The following BDP1 variants were observed in gnomAD, a reference collection of about 807,000 sequenced individuals.
BDP1 encodes the protein transcription factor TFIIIB component B'' homolog.
A neutral mutation model predicts 266.6 loss-of-function variants in BDP1; 169 were observed. The observed-to-expected ratio is 0.63, with a 90% CI of 0.56 to 0.72. The LOEUF is 0.72. Ranked by LOEUF, BDP1 falls within the 30% of genes least tolerant of loss-of-function variation. BDP1 has a pLI of 0.00. For missense variants in BDP1, 3,015 were observed against 3,053.8 expected (o/e 0.99, Z 0.30); for synonymous variants, 1,090 against 1,022.4 (o/e 1.07, Z -1.26).
downstream of BDP1, among the ~76,000 whole-genome samples, chr5:71,570,102 T>C (rs955873775): frequency 3.3e-5 from 5 of 152,170 alleles, no homozygotes; most frequent in African/African-American, 1.2e-4. Context: ...GAGGAAATAA[T>C]TACAGGATGG....
At chr5:71,572,994 C>A in the BDP1 span, among the ~76,000 whole-genome samples, 1 of 152,046 alleles carries the variant, frequency 6.6e-6, no homozygotes, top group Non-Finnish European at 1.5e-5. Flanking sequence ...TTTGAGAGGC[C>A]AAGGCGGGTG....
chr5:71,481,243 T>C (rs972027202), intron 7 of BDP1, among the ~76,000 whole-genome samples: 27 of 151,530 alleles, frequency 1.8e-4, no homozygotes, highest in African/African-American at 6.5e-4. Flanking sequence ...GATTATGTTT[T>C]TTCTTTTTTT....
At chr5:71,475,503 C>A (rs1193562486) in intron 7 of BDP1, among the ~76,000 whole-genome samples, 1 of 152,148 alleles carries the variant, frequency 6.6e-6, no homozygotes, top group African/African-American at 2.4e-5. Context: ...CTCAGTTTTA[C>A]TCCAGGCCAT....
chr5:71,484,667 A>T (rs1031239379), intron 8 of BDP1, among the ~76,000 whole-genome samples: 25 of 152,304 alleles, frequency 1.6e-4, no homozygotes, highest in African/African-American at 5.5e-4. Context: ...AGAAAAATAC[A>T]TTTACTGTTA....
intron 7 of BDP1, among the ~76,000 whole-genome samples, chr5:71,473,091 C>T (rs374427406): frequency 6.6e-6 from 1 of 151,252 alleles, no homozygotes; most frequent in Admixed American, 6.6e-5. Flanking sequence ...TGCCATGTTG[C>T]TCAGGCTGGT....
chr5:71,552,322 C>T (rs1284981720), intron 34 of BDP1, among the ~76,000 whole-genome samples: 5 of 150,846 alleles, frequency 3.3e-5, no homozygotes, highest in East Asian at 1.9e-4. Context: ...AAGAGGCGCT[C>T]CTCACTTCCT....
intron 26 of BDP1, among the ~76,000 whole-genome samples, chr5:71,534,610 C>G (rs1180544826): frequency 6.6e-6 from 1 of 152,146 alleles, no homozygotes; most frequent in Non-Finnish European, 1.5e-5. Flanking sequence ...CACCATTCTC[C>G]TGCCTCAGCT....
chr5:71,562,780 C>G (rs1743772629), intron 38 of BDP1: 2 of 1,369,390 alleles, frequency 1.5e-6, no homozygotes, highest in Non-Finnish European at 1.9e-6. Flanking sequence ...TCTAGAGACC[C>G]TTCTGACTTG....
In BDP1 at chr5:71,522,311, C is replaced by T; in HGVS notation, c.5014C>T (p.Pro1672Ser). 6.2e-7 allele frequency: 1 copy of T among 1,613,530 alleles called. No individual in the cohort carries two copies. The highest frequency in any genetic ancestry group is 8.5e-7 in the Non-Finnish European group (1 of 1,179,716). Residue 1672 changes from proline to serine, a missense_variant, in exon 23 of 39, where the codon CCT becomes TCT. Pro to Ser is a moderately conservative substitution (Grantham distance 74, BLOSUM62 -1). Around this residue, in one of 3 missense-constraint regions of BDP1, gnomAD observed 2,383 missense variants for 2,404.9 expected, o/e 0.99. Transcript: ENST00000358731. ...TAGACATGAAAATAAACCGTATGTT[C>T]CTAGTTCAGCACAAATGACAAGAAG... ...TIRHENKPYV[P>S]SSAQMTRRKF...
chr5:71,520,419 T>C (rs1765436470), intron 22 of BDP1, among the ~76,000 whole-genome samples: 1 of 152,226 alleles, frequency 6.6e-6, no homozygotes, highest in Non-Finnish European at 1.5e-5. Flanking sequence ...TGTTTTTTAC[T>C]AAAATGCATT....
At position 71,544,471 on chromosome 5, in the gene BDP1, G is replaced by C. The variant is rs1319325894; in HGVS notation, c.6527G>C (p.Gly2176Ala). Residue 2176 changes from glycine to alanine, a missense_variant, in exon 31 of 39, where the codon GGG becomes GCG. Physicochemically the swap from Gly to Ala is moderately conservative, Grantham distance 60. Coordinates refer to ENST00000358731, the MANE Select transcript of BDP1 (RefSeq NM_018429.3). The part of the protein sequence containing the change: ...SKLACVHGIK[G>A]TSISSEVNLT... ...TTGGCATGTGTACATGGTATCAAAG[G>C]GACCAGTATTTCTTCAGAAGTAAAC... The C allele has an allele frequency of 6.2e-7, 1 of 1,613,130 alleles. No homozygotes were observed. The highest frequency in any genetic ancestry group is 1.7e-5 in the Admixed American group (1 of 59,888).
chr5:71,508,832 T>C (rs1764733010), intron 16 of BDP1, among the ~76,000 whole-genome samples: 1 of 152,228 alleles, frequency 6.6e-6, no homozygotes, highest in Non-Finnish European at 1.5e-5. Flanking sequence ...CTTTGGATAG[T>C]GGTTGTGTGC....
At chr5:71,470,355 T>C in intron 6 of BDP1, 40 bp from the exon 7 acceptor site, 5 of 1,345,336 alleles carry the variant, frequency 3.7e-6, no homozygotes, top group South Asian at 1.3e-5. Flanking sequence ...AATATTGATA[T>C]AATTAATTTT....
chr5:71,514,822 TAGA>T, intron 19 of BDP1, 119 bp from the exon 20 acceptor site: 1 of 552,170 alleles, frequency 1.8e-6, no homozygotes, highest in Non-Finnish European at 3.1e-6. Context: ...GCTGGGAATT[TAGA>T]ATTTTGGTAT....
intron 17 of BDP1, chr5:71,511,353 C>T (rs2150476052): frequency 1.7e-6 from 1 of 598,072 alleles, no homozygotes; most frequent in East Asian, 2.9e-5. Context: ...TTAGGCTGGG[C>T]ACACCTTTAA....
At chr5:71,552,532 T>C (rs1402997549) in intron 34 of BDP1, among the ~76,000 whole-genome samples, 2 of 152,204 alleles carry the variant, frequency 1.3e-5, no homozygotes, top group Non-Finnish European at 2.9e-5. Flanking sequence ...TGGGCACCAT[T>C]GAGCACTGAG....
chr5:71,522,502 CAAA>C lies in BDP1; in HGVS notation c.5193+26_5193+28del, dbSNP rs34331239. On this transcript the variant is annotated intron_variant, in intron 23 of 38. Transcript: ENST00000358731. ...AGCTCCTTCTAAAAGTAAGTTTGGG[CAAA>C]AAAAAAAAAAAAATTTTTTTTCTCA... is the stretch of plus-strand genomic sequence containing the variant. 837 of 1,427,888 alleles carry C rather than the reference CAAA, an allele frequency of 5.9e-4. No individual in the cohort carries two copies. The highest frequency in any genetic ancestry group is 1.8e-3 in the Admixed American group (74 of 41,704). The allele number at this position is 1,427,888 out of a possible 1,614,324, so 88.5% of individuals were successfully genotyped here.
chr5:71,494,040 G>A (rs1168585044), intron 11 of BDP1, among the ~76,000 whole-genome samples: 4 of 152,094 alleles, frequency 2.6e-5, no homozygotes, highest in South Asian at 2.1e-4. Context: ...CTATTAAGAC[G>A]TAGAAAACAC....
intron 30 of BDP1, among the ~76,000 whole-genome samples, chr5:71,542,611 C>G (rs996459605): frequency 6.6e-6 from 1 of 152,020 alleles, no homozygotes; most frequent in East Asian, 1.9e-4. Flanking sequence ...GTGACTCACA[C>G]CTGTAATTCC....
Sources: gnomAD v4.1 joint callset for allele counts (sites outside exome capture counted in the v4.1 genomes callset) on GRCh38, gnomAD v4.1.1 for gene constraint, gnomAD v4.1.1 regional missense constraint, MANE v1.5 for transcripts, NCBI Gene and HGNC (gene_info 2026-07-23, HGNC 2026-07-21) for gene names.